The following TLL1 variants were observed in gnomAD, a reference collection of about 807,000 sequenced individuals.
TLL1 encodes tolloid like 1, also known as tolloid-like protein 1.
Under a neutral mutation model 128.2 loss-of-function variants are expected in TLL1, and 49 were observed. The observed-to-expected ratio is 0.38, with a 90% CI of 0.30 to 0.48. The LOEUF (loss-of-function observed/expected upper bound fraction) is 0.48, where lower values mean the gene tolerates loss of function less well. Among genes scored for constraint, TLL1 ranks in the 20% least tolerant of loss-of-function variants. The probability of loss-of-function intolerance (pLI) is 0.96; values close to 1 mark genes in which losing one functional copy is unlikely to be tolerated. For missense variants in TLL1, 1,123 were observed against 1,242.0 expected, an observed-to-expected ratio of 0.90 and a Z score of 1.44; for synonymous variants, 454 against 418.8, an observed-to-expected ratio of 1.08 and a Z score of -1.03.
At chr4:165,977,351 C>T (rs1387905874) in intron 1 of TLL1, among the ~76,000 whole-genome samples, 2 of 152,130 alleles carry the variant, frequency 1.3e-5, no homozygotes, top group Admixed American at 1.3e-4. Context: ...CTCCTGCACA[C>T]ACTCTCTCGC....
chr4:165,946,034 G>A (rs939799291), intron 1 of TLL1, among the ~76,000 whole-genome samples: 1 of 152,172 alleles, frequency 6.6e-6, no homozygotes, highest in Non-Finnish European at 1.5e-5. Flanking sequence ...TGAAGCCTGA[G>A]AAGATCTCAA....
At chr4:166,046,380 C>T (rs1319445103) in intron 12 of TLL1, among the ~76,000 whole-genome samples, 21 of 152,096 alleles carry the variant, frequency 1.4e-4, no homozygotes, top group Non-Finnish European at 4.4e-5. Context: ...TCACAAGTCA[C>T]AGGATTTAAA....
chr4:165,967,500 A>G (rs149342092), intron 1 of TLL1, among the ~76,000 whole-genome samples: 2 of 152,336 alleles, frequency 1.3e-5, no homozygotes, highest in African/African-American at 4.8e-5. Flanking sequence ...GGAACTCACA[A>G]TTTATGTTCT....
At chr4:165,995,526 C>A (rs1736837417) in intron 5 of TLL1, among the ~76,000 whole-genome samples, 2 of 152,170 alleles carry the variant, frequency 1.3e-5, no homozygotes, top group East Asian at 1.9e-4. Flanking sequence ...GTCACTGTAT[C>A]TTTTGATTTC....
intron 9 of TLL1, among the ~76,000 whole-genome samples, chr4:166,025,938 A>G (rs1301692490): frequency 6.6e-6 from 1 of 152,164 alleles, no homozygotes; most frequent in East Asian, 1.9e-4. Context: ...TAATGAGCCT[A>G]GACGACCATA....
At chr4:166,045,791 A>C (rs1210675653) in intron 12 of TLL1, among the ~76,000 whole-genome samples, 2 of 151,960 alleles carry the variant, frequency 1.3e-5, no homozygotes, top group African/African-American at 4.8e-5. Flanking sequence ...CACAGCATTT[A>C]CCACTGATGT....
chr4:165,950,831 T>C (rs1174107447), intron 1 of TLL1, among the ~76,000 whole-genome samples: 1 of 152,076 alleles, frequency 6.6e-6, no homozygotes, highest in Non-Finnish European at 1.5e-5. Context: ...TCAATAATTT[T>C]AGCTTCTACC....
intron 9 of TLL1, among the ~76,000 whole-genome samples, chr4:166,036,093 G>T (rs1330524123): frequency 2.6e-5 from 4 of 152,076 alleles, no homozygotes; most frequent in African/African-American, 9.7e-5. Flanking sequence ...CAAGTATTAC[G>T]CTAATTGGCT....
chr4:166,083,046 T>C (rs1741363245), intron 18 of TLL1, among the ~76,000 whole-genome samples: 1 of 152,108 alleles, frequency 6.6e-6, no homozygotes, highest in South Asian at 2.1e-4. Flanking sequence ...AATTATGAAA[T>C]ATTTTAATCT....
At chr4:165,922,299 T>C (rs1733073825) in intron 1 of TLL1, among the ~76,000 whole-genome samples, 1 of 152,216 alleles carries the variant, frequency 6.6e-6, no homozygotes, top group South Asian at 2.1e-4. Flanking sequence ...TTGCTATGAT[T>C]CTTTGTTATT....
chr4:165,949,238 A>G (rs1037814022), intron 1 of TLL1, among the ~76,000 whole-genome samples: 1 of 152,132 alleles, frequency 6.6e-6, no homozygotes, highest in Non-Finnish European at 1.5e-5. Context: ...ACTAACAGCC[A>G]GTGAAGAAAC....
intron 19 of TLL1, among the ~76,000 whole-genome samples, chr4:166,096,944 C>A (rs527596675): frequency 6.6e-6 from 1 of 151,852 alleles, no homozygotes; most frequent in Admixed American, 6.6e-5. Flanking sequence ...CTGAGTGGAT[C>A]GTAGAGTACA....
At chr4:165,998,751 T>A (rs1358572698) in intron 5 of TLL1, among the ~76,000 whole-genome samples, 1 of 151,550 alleles carries the variant, frequency 6.6e-6, no homozygotes, top group Non-Finnish European at 1.5e-5. Flanking sequence ...GAGCCGAGAT[T>A]GCACCACTGC....
At chr4:166,084,457 C>A (rs74685665) in intron 18 of TLL1, among the ~76,000 whole-genome samples, 8,933 of 152,110 alleles carry the variant, frequency 0.059, 436 homozygotes, top group African/African-American at 0.12. Flanking sequence ...AAAGTCATTG[C>A]CCAGACCAAT....
intron 1 of TLL1, among the ~76,000 whole-genome samples, chr4:165,957,230 A>G (rs1734844302): frequency 6.6e-6 from 1 of 152,096 alleles, no homozygotes; most frequent in Admixed American, 6.6e-5. Context: ...ATGACTTTAA[A>G]CCAACAATAG....
At chr4:165,967,919 T>C (rs1251899533) in intron 1 of TLL1, among the ~76,000 whole-genome samples, 3 of 152,246 alleles carry the variant, frequency 2.0e-5, no homozygotes, top group Admixed American at 6.5e-5. Flanking sequence ...TGGTCATGAT[T>C]AGCCTATTTA....
chr4:166,072,444 C>A lies in TLL1; in HGVS notation c.2189-2434C>A, dbSNP rs545822684. Among the ~76,000 whole-genome samples, 7 of 151,592 alleles carry A rather than the reference C, an allele frequency of 4.6e-5. No homozygotes were observed. The South Asian group carries it at 1.5e-3, about 32-fold the overall frequency. Reference sequence around the variant, plus strand: ...TCTTCCTCCTCTGCTTTCTCTTCTTCCAAAAATTATTCTGAAATCATTATT... The same window carrying A: ...TCTTCCTCCTCTGCTTTCTCTTCTTACAAAAATTATTCTGAAATCATTATT... On this transcript the variant is annotated intron_variant, in intron 16 of 20. Coordinates refer to ENST00000061240, the MANE Select transcript of TLL1 (RefSeq NM_012464.5).
chr4:166,058,467 T>C (rs1740135872), intron 14 of TLL1, among the ~76,000 whole-genome samples: 1 of 152,194 alleles, frequency 6.6e-6, no homozygotes, highest in Non-Finnish European at 1.5e-5. Flanking sequence ...AAAAGACTTT[T>C]TGTCGTGGTT....
chr4:166,075,988 A>G (rs1253300458), intron 17 of TLL1, among the ~76,000 whole-genome samples: 2 of 152,168 alleles, frequency 1.3e-5, no homozygotes, highest in Non-Finnish European at 2.9e-5. Flanking sequence ...GATAAGCATA[A>G]TATCCATAAC....
Sources: allele counts gnomAD v4.1 joint callset (sites outside exome capture counted in the v4.1 genomes callset), GRCh38; gene constraint gnomAD v4.1.1; transcripts MANE v1.5; gene names NCBI Gene and HGNC (gene_info 2026-07-23, HGNC 2026-07-21).